Variants in NAV2 observed in about 807,000 individuals in gnomAD.
NAV2 encodes the protein helicase, APC down-regulated 1.
NAV2 carries 54 observed loss-of-function variants against 223.2 expected under a neutral mutation model. The ratio of observed to expected loss-of-function variants is 0.24; its 90% confidence interval spans 0.19 to 0.30. The LOEUF (loss-of-function observed/expected upper bound fraction) is 0.30, where lower values mean the gene tolerates loss of function less well. NAV2 is among the 10% of genes least tolerant of loss of function. The probability of loss-of-function intolerance (pLI) is 1.00; values close to 1 mark genes in which losing one functional copy is unlikely to be tolerated. For synonymous variants in NAV2, 1,279 were observed against 1,239.3 expected, an observed-to-expected ratio of 1.03 and a Z score of -0.67; for missense variants, 2,806 against 3,147.5, an observed-to-expected ratio of 0.89 and a Z score of 2.60.
chr11:19,403,423 G>A (rs747595751), intron 1 of NAV2, among the ~76,000 whole-genome samples: 12 of 152,180 alleles, frequency 7.9e-5, no homozygotes, highest in Admixed American at 4.6e-4. Context: ...AGGAAGACAC[G>A]TGGAATTTCC....
At chr11:19,654,049 G>A (rs944739277) in intron 1 of NAV2, among the ~76,000 whole-genome samples, 2 of 152,152 alleles carry the variant, frequency 1.3e-5, no homozygotes, top group African/African-American at 4.8e-5. Flanking sequence ...AAAGTCTCAG[G>A]ATACAAAATC....
At chr11:19,736,725 G>A (rs2052337627) in intron 1 of NAV2, among the ~76,000 whole-genome samples, 2 of 152,196 alleles carry the variant, frequency 1.3e-5, no homozygotes, top group Non-Finnish European at 2.9e-5. Flanking sequence ...CAAAGCCCAG[G>A]AACTCATGAC....
chr11:19,482,252 A>T (rs2042302716), intron 1 of NAV2, among the ~76,000 whole-genome samples: 1 of 151,978 alleles, frequency 6.6e-6, no homozygotes, highest in Admixed American at 6.5e-5. Context: ...GTTCCCTACA[A>T]AAAGGAAGAC....
chr11:19,347,204 G>C (rs1853057730), upstream of NAV2, among the ~76,000 whole-genome samples: 1 of 152,174 alleles, frequency 6.6e-6, no homozygotes, highest in African/African-American at 2.4e-5. Flanking sequence ...CACAGCAGAA[G>C]GAGTAAGTTA....
chr11:19,748,661 T>A (rs905222930), intron 1 of NAV2, among the ~76,000 whole-genome samples: 1 of 152,218 alleles, frequency 6.6e-6, no homozygotes, highest in African/African-American at 2.4e-5. Context: ...GAGTATTAAA[T>A]GTAATGATGT....
At chr11:19,472,249 A>C (rs2041986953) in intron 1 of NAV2, among the ~76,000 whole-genome samples, 2 of 152,188 alleles carry the variant, frequency 1.3e-5, no homozygotes, top group South Asian at 4.1e-4. Flanking sequence ...GAGGATAAGC[A>C]CATAGATTCC....
chr11:19,816,782 G>A (rs965541044), intron 1 of NAV2, among the ~76,000 whole-genome samples: 3 of 152,090 alleles, frequency 2.0e-5, no homozygotes, highest in Non-Finnish European at 4.4e-5. Context: ...TTTGTGGTTG[G>A]CATCATTATG....
At chr11:19,900,484 C>T (rs533185580) in intron 6 of NAV2, among the ~76,000 whole-genome samples, 4 of 152,312 alleles carry the variant, frequency 2.6e-5, no homozygotes, top group African/African-American at 9.6e-5. Context: ...AAGACCATCA[C>T]AGGCCATGCT....
intron 3 of NAV2, among the ~76,000 whole-genome samples, chr11:19,863,387 T>G (rs974729762): frequency 6.6e-6 from 1 of 152,244 alleles, no homozygotes; most frequent in Admixed American, 6.5e-5. Context: ...GCATCCTGTA[T>G]GGAGTCTTTT....
At chr11:19,853,612 G>A (rs2061260533) in intron 3 of NAV2, among the ~76,000 whole-genome samples, 1 of 152,164 alleles carries the variant, frequency 6.6e-6, no homozygotes, top group Admixed American at 6.5e-5. Context: ...AAAAGTTTGG[G>A]CATTCCTGCC....
chr11:19,617,623 G>A (rs1263863030), intron 1 of NAV2, among the ~76,000 whole-genome samples: 1 of 152,220 alleles, frequency 6.6e-6, no homozygotes, highest in Non-Finnish European at 1.5e-5. Context: ...GTGATAAGAA[G>A]TGCATGGTAA....
chr11:19,795,231 C>T (rs768402291), intron 1 of NAV2, among the ~76,000 whole-genome samples: 9 of 152,244 alleles, frequency 5.9e-5, no homozygotes, highest in Non-Finnish European at 1.2e-4. Flanking sequence ...AGAGCCATCT[C>T]ATACTGCTGT....
At chr11:19,805,566 C>T (rs752157631) in intron 1 of NAV2, among the ~76,000 whole-genome samples, 14 of 152,184 alleles carry the variant, frequency 9.2e-5, no homozygotes, top group Non-Finnish European at 1.6e-4. Context: ...AGGACATGGC[C>T]ATTAGGTGAC....
intron 3 of NAV2, among the ~76,000 whole-genome samples, chr11:19,849,697 C>A (rs1443642120): frequency 1.3e-5 from 2 of 152,212 alleles, no homozygotes; most frequent in Non-Finnish European, 2.9e-5. Flanking sequence ...TATTTTTACA[C>A]AGCTCTAAGG....
intron 1 of NAV2, among the ~76,000 whole-genome samples, chr11:19,613,224 G>A (rs186007984): frequency 6.6e-6 from 1 of 151,930 alleles, no homozygotes. Flanking sequence ...ATTTTGGTGG[G>A]GACACAGCCA....
intron 1 of NAV2, among the ~76,000 whole-genome samples, chr11:19,802,751 C>T (rs1324151020): frequency 6.6e-6 from 1 of 151,102 alleles, no homozygotes; most frequent in Non-Finnish European, 1.5e-5. Flanking sequence ...GTTTTTTCAT[C>T]CTGGAGAATG....
chr11:19,555,133 T>A (rs1282139925), intron 1 of NAV2, among the ~76,000 whole-genome samples: 1 of 152,200 alleles, frequency 6.6e-6, no homozygotes, highest in Non-Finnish European at 1.5e-5. Context: ...AAACAGATTC[T>A]GAGACAGGGA....
At chr11:19,972,862 T>C (rs1411370023) in intron 10 of NAV2, among the ~76,000 whole-genome samples, 2 of 152,216 alleles carry the variant, frequency 1.3e-5, no homozygotes, top group Non-Finnish European at 2.9e-5. Context: ...AGGTACTACA[T>C]AAATGTTTGT....
intron 1 of NAV2, among the ~76,000 whole-genome samples, chr11:19,787,270 C>CT (rs757183666): frequency 0.19 from 10,578 of 54,960 alleles, 3,087 homozygotes; most frequent in Non-Finnish European, 0.26. Context: ...TTTATTGGAT[C>CT]TTTTTTTTTT....
Sources: gnomAD v4.1 joint callset for allele counts (sites outside exome capture counted in the v4.1 genomes callset) on GRCh38, gnomAD v4.1.1 for gene constraint, MANE v1.5 for transcripts, NCBI Gene and HGNC (gene_info 2026-07-23, HGNC 2026-07-21) for gene names.